The following FHDC1 variants were observed in gnomAD, a reference collection of about 807,000 sequenced individuals.
FHDC1 encodes the protein FH2 domain containing 1, also known as FH2 domain-containing protein 1.
FHDC1 carries 25 observed loss-of-function variants against 52.6 expected under a neutral mutation model. The ratio of observed to expected loss-of-function variants is 0.48; its 90% CI spans 0.35 to 0.66. The LOEUF (loss-of-function observed/expected upper bound fraction) is 0.66. Among genes scored for constraint, FHDC1 ranks in the 30% least tolerant of loss-of-function variants. The pLI is 0.01. For synonymous variants in FHDC1, 616 were observed against 581.5 expected (o/e 1.06, Z -0.85); for missense variants, 1,459 against 1,452.8 (o/e 1.00, Z -0.07).
chr4:152,915,953 C>T, the FHDC1 span, among the ~76,000 whole-genome samples: 6 of 152,036 alleles, frequency 3.9e-5, no homozygotes, highest in Middle Eastern at 3.2e-3. Context: ...TACAGTATCA[C>T]GTATTTCTGC....
chr4:152,920,051 AGTC>A, the FHDC1 span, among the ~76,000 whole-genome samples: 2,084 of 144,528 alleles, frequency 0.014, 26 homozygotes, highest in African/African-American at 0.035. Context: ...GTGTTCAAGC[AGTC>A]CTCCTATCTC....
the FHDC1 span, among the ~76,000 whole-genome samples, chr4:152,926,976 G>A: frequency 0.048 from 7,287 of 152,192 alleles, 222 homozygotes; most frequent in South Asian, 0.11. Context: ...ACCCTGATTC[G>A]GCTACTTATC....
chr4:152,951,639 C>G (rs1739930402), intron 2 of FHDC1, among the ~76,000 whole-genome samples: 1 of 152,066 alleles, frequency 6.6e-6, no homozygotes, highest in African/African-American at 2.4e-5. Context: ...AGAAGCAGAC[C>G]CAGAGATCAG....
chr4:152,939,923 C>T (rs181042457), intron 1 of FHDC1, among the ~76,000 whole-genome samples: 2 of 152,290 alleles, frequency 1.3e-5, no homozygotes, highest in Non-Finnish European at 1.5e-5. Context: ...GGGGGCTAAT[C>T]CCATTGTCCC....
At chr4:152,963,798 T>TTTTTTTTTTTTTTTTC (rs1740368799) in intron 8 of FHDC1, among the ~76,000 whole-genome samples, 1 of 114,948 alleles carries the variant, frequency 8.7e-6, no homozygotes, top group Non-Finnish European at 1.8e-5. Context: ...TTTTTTTTTT[T>TTTTTTTTTTTTTTTTC]TTTTTGACTG....
chr4:152,974,091 A>C (rs1375419992), intron 11 of FHDC1, among the ~76,000 whole-genome samples: 1 of 152,240 alleles, frequency 6.6e-6, no homozygotes, highest in Non-Finnish European at 1.5e-5. Context: ...AGCATCTCTT[A>C]ATATTGTGGC....
intron 3 of FHDC1, among the ~76,000 whole-genome samples, chr4:152,953,932 G>A (rs1249513060): frequency 1.3e-5 from 2 of 152,198 alleles, no homozygotes; most frequent in Non-Finnish European, 2.9e-5. Flanking sequence ...AGACCAAAGA[G>A]GATTATTTTT....
chr4:152,945,140 T>C (rs920488860), intron 2 of FHDC1, among the ~76,000 whole-genome samples: 8 of 152,170 alleles, frequency 5.3e-5, no homozygotes. Flanking sequence ...TTCAAGAGGC[T>C]AAGGGGAACT....
intron 8 of FHDC1, among the ~76,000 whole-genome samples, chr4:152,963,944 T>A (rs1740375668): frequency 6.6e-6 from 1 of 152,092 alleles, no homozygotes; most frequent in Non-Finnish European, 1.5e-5. Flanking sequence ...TTGACATCAG[T>A]GCTGTAGTCG....
At chr4:152,929,694 C>T in the FHDC1 span, among the ~76,000 whole-genome samples, 1 of 152,160 alleles carries the variant, frequency 6.6e-6, no homozygotes, top group Non-Finnish European at 1.5e-5. The surrounding 1 kb of genome is among the most constrained non-coding windows in gnomAD (Gnocchi z 4.1). Flanking sequence ...GCCTTCTTCC[C>T]CTGCCATAGA....
At chr4:152,952,543 AT>A (rs1739958075) in intron 2 of FHDC1, among the ~76,000 whole-genome samples, 1 of 152,264 alleles carries the variant, frequency 6.6e-6, no homozygotes, top group Admixed American at 6.5e-5. Flanking sequence ...ACAATAAAAA[AT>A]AATACAAATT....
At chr4:152,918,187 T>A in the FHDC1 span, among the ~76,000 whole-genome samples, 1 of 152,232 alleles carries the variant, frequency 6.6e-6, no homozygotes, top group African/African-American at 2.4e-5. Context: ...CAAGTCTTTT[T>A]TCCCCAAACA....
upstream of FHDC1, among the ~76,000 whole-genome samples, chr4:152,935,634 C>A (rs78798181): frequency 3.5e-5 from 5 of 141,062 alleles, no homozygotes; most frequent in Admixed American, 7.7e-5. Flanking sequence ...AAAACAAAAA[C>A]AAAATAAAAA....
At chr4:152,928,205 C>T in the FHDC1 span, 1 of 765,128 alleles carries the variant, frequency 1.3e-6, no homozygotes, top group South Asian at 1.4e-5. Context: ...CCTTGAGGCC[C>T]CTAGTTTCTC....
rs1244068509 is a variant in FHDC1 at position 152,963,136 on chromosome 4, T to G, written c.1029+6T>G. ...TCCTGCACTTTGTTGCACAGGTATGTGGAAATGATTAGGACTTAGAGAACG... is the reference window on the plus strand; with the variant it reads ...TCCTGCACTTTGTTGCACAGGTATGGGGAAATGATTAGGACTTAGAGAACG... On this transcript the variant is annotated splice_donor_region_variant and intron_variant, in intron 8 of 11. Transcript: ENST00000511601. 45 of 1,612,450 alleles carry G rather than the reference T, an allele frequency of 2.8e-5. No homozygotes were observed. Among genetic ancestry groups the G allele is most frequent in the Non-Finnish European group, 3.6e-5 (43 of 1,179,016 alleles).
Position 152,963,022 on chromosome 4 carries a change from G to A in FHDC1, c.922-1G>A. On this transcript the variant is annotated splice_acceptor_variant, in intron 7 of 11. Coordinates refer to ENST00000511601, the MANE Select transcript of FHDC1 (RefSeq NM_001371116.1). LOFTEE classifies it high-confidence loss of function. The stretch of plus-strand genomic sequence containing the variant: ...TTTTCTTTTTGATTTGTCTTCTTTA[G>A]GGAGGGTATGCCGGCAATGCAGTAG... The A allele has an allele frequency of 6.2e-7, 1 of 1,612,252 alleles. No individual in the cohort carries two copies. Among genetic ancestry groups the A allele is most frequent in the South Asian group, 1.1e-5 (1 of 91,016 alleles).
chr4:152,976,892 C>G lies in FHDC1; in HGVS notation c.*169C>G. On this transcript the variant is annotated 3_prime_UTR_variant, in exon 12 of 12. Transcript: ENST00000511601. ...AGTCCAGGAGGCCTGTGGACTGCAG[C>G]CTGCTGTGCTGAGCCCTGCTGCAGT... 1 of 828,338 alleles carries G rather than the reference C, an allele frequency of 1.2e-6. No individual in the cohort carries two copies. 51.3% of individuals were successfully genotyped at this position (828,338 alleles called of 1,614,324 possible).
chr4:152,962,414 G>A (rs1740306125), intron 6 of FHDC1, among the ~76,000 whole-genome samples: 1 of 152,106 alleles, frequency 6.6e-6, no homozygotes, highest in African/African-American at 2.4e-5. Flanking sequence ...TTCCATAAAT[G>A]CGGTCTCTTT....
intron 2 of FHDC1, among the ~76,000 whole-genome samples, chr4:152,947,810 AAGAGAGAGAGAGAG>A (rs3076048): frequency 1.3e-5 from 2 of 150,024 alleles, no homozygotes; most frequent in African/African-American, 2.4e-5. Flanking sequence ...AAGACCACAG[AAGAGAGAGAGAGAG>A]AGAGAGAGAG....
Sources: allele counts gnomAD v4.1 joint callset (sites outside exome capture counted in the v4.1 genomes callset), GRCh38; gene constraint gnomAD v4.1.1; non-coding constraint Gnocchi (gnomAD v3.1); transcripts MANE v1.5; gene names NCBI Gene and HGNC (gene_info 2026-07-23, HGNC 2026-07-21).